The following DAB1 variants were observed in gnomAD, a reference collection of about 807,000 sequenced individuals.
The protein encoded by DAB1 is disabled homolog 1.
A neutral mutation model predicts 64.6 loss-of-function variants in DAB1; 15 were observed. That is an observed-to-expected ratio of 0.23 (90% CI 0.16 to 0.36). DAB1 has a LOEUF of 0.36. Ranked by LOEUF, DAB1 falls within the 10% of genes least tolerant of loss-of-function variation. The pLI, the probability that DAB1 is intolerant of heterozygous loss-of-function variation, is 1.00. For missense variants in DAB1, 596 were observed against 706.7 expected, an observed-to-expected ratio of 0.84 and a Z score of 1.78; for synonymous variants, 235 against 251.9, an observed-to-expected ratio of 0.93 and a Z score of 0.64.
chr1:58,303,445 G>C (rs1189958359), intron 4 of DAB1, among the ~76,000 whole-genome samples: 1 of 152,152 alleles, frequency 6.6e-6, no homozygotes, highest in Non-Finnish European at 1.5e-5. Flanking sequence ...GAGATGAACA[G>C]AACAGGTAAG....
chr1:57,007,600 T>C (rs661586), intron 14 of DAB1, among the ~76,000 whole-genome samples: 15,875 of 152,172 alleles, frequency 0.1, 1,035 homozygotes, highest in African/African-American at 0.19. Context: ...CTTCCACCTG[T>C]GGGGATTGAG....
chr1:58,066,354 G>T (rs1648853906), intron 5 of DAB1, among the ~76,000 whole-genome samples: 2 of 152,232 alleles, frequency 1.3e-5, no homozygotes, highest in African/African-American at 4.8e-5. Context: ...GTTGGGAAGA[G>T]AGATTGATTT....
rs1658342157 is a variant in DAB1, at chr1:57,138,774, T to G, written c.208-2133A>C. The stretch of plus-strand genomic sequence containing the variant: ...CCTCTTAGCCAACACAGCACACCCT[T>G]TATGCCAAATTGCATCTCCTTTGTT... On this transcript the variant is annotated intron_variant, in intron 3 of 14. Transcript: ENST00000371236. 2.6e-5 allele frequency among the ~76,000 whole-genome samples: 4 copies of G among 152,294 alleles called. No homozygotes were observed. In the South Asian group the frequency reaches 8.3e-4, roughly 32 times the overall value.
intron 5 of DAB1, among the ~76,000 whole-genome samples, chr1:57,920,118 G>C (rs1392217646): frequency 1.3e-5 from 2 of 152,194 alleles, no homozygotes; most frequent in African/African-American, 4.8e-5. Context: ...TTAAGGCAGA[G>C]AGGTGAGCTA....
At chr1:58,462,061 G>A (rs566870106) in intron 3 of DAB1, among the ~76,000 whole-genome samples, 1 of 151,784 alleles carries the variant, frequency 6.6e-6, no homozygotes, top group Non-Finnish European at 1.5e-5. Flanking sequence ...AAGGACTCAG[G>A]GGGGTAATTG....
chr1:57,359,472 C>A (rs896059934), intron 1 of DAB1, among the ~76,000 whole-genome samples: 9 of 151,876 alleles, frequency 5.9e-5, no homozygotes, highest in African/African-American at 1.9e-4. Flanking sequence ...AAATGGCAAC[C>A]CCTATACACA....
At chr1:58,183,162 T>TA (rs1656889571) in intron 4 of DAB1, among the ~76,000 whole-genome samples, 1 of 152,074 alleles carries the variant, frequency 6.6e-6, no homozygotes, top group South Asian at 2.1e-4. Context: ...AGGCAGTACT[T>TA]AAACATCTTG....
chr1:58,064,556 C>T (rs534803290), intron 5 of DAB1, among the ~76,000 whole-genome samples: 1 of 152,278 alleles, frequency 6.6e-6, no homozygotes, highest in African/African-American at 2.4e-5. Context: ...AACCCACCAG[C>T]CTTGATTTTG....
chr1:58,347,006 G>C (rs887864116), intron 3 of DAB1, among the ~76,000 whole-genome samples: 5 of 152,184 alleles, frequency 3.3e-5, no homozygotes, highest in African/African-American at 1.2e-4. Flanking sequence ...TTTATCATAT[G>C]ACTCATTGGG....
At position 57,924,508 on chromosome 1, in the gene DAB1, G is replaced by A. The variant is rs935065351; in HGVS notation, n.388-40346C>T. On this transcript the variant is annotated intron_variant and non_coding_transcript_variant, in intron 5 of 20. Transcript: ENST00000485760. Reference sequence around the variant, plus strand: ...ACAGTCTCGCTTTGTTGCCCAGGCTGGAGTGCAGTGGCACAATCTCGGCTC... The same window carrying A: ...ACAGTCTCGCTTTGTTGCCCAGGCTAGAGTGCAGTGGCACAATCTCGGCTC... Among the ~76,000 whole-genome samples the A allele has an allele frequency of 3.3e-5, 5 of 152,098 alleles. No individual in the cohort carries two copies. The South Asian group carries it at 1.0e-3, about 32-fold the overall frequency.
intron 9 of DAB1, among the ~76,000 whole-genome samples, chr1:57,051,488 C>A (rs1215626521): frequency 6.6e-6 from 1 of 152,122 alleles, no homozygotes; most frequent in African/African-American, 2.4e-5. Flanking sequence ...AGAATTCTTG[C>A]AATTCTTCAC....
chr1:57,452,831 C>T lies in DAB1; in HGVS notation n.626-161665G>A, dbSNP rs375614832. On this transcript the variant is annotated intron_variant and non_coding_transcript_variant, in intron 7 of 20. Coordinates refer to the DAB1 transcript ENST00000485760. ...TTCAGCACCTGGCCCAAAGTAGGCA[C>T]TCAGTAGATGTGGGAAGAAGGAAGA... Among the ~76,000 whole-genome samples the T allele has an allele frequency of 1.8e-4, 27 of 150,052 alleles. No homozygotes were observed. In the East Asian group the frequency reaches 3.2e-3, roughly 18 times the overall value.
intron 5 of DAB1, among the ~76,000 whole-genome samples, chr1:58,008,267 G>A (rs1281376131): frequency 2.0e-5 from 3 of 152,072 alleles, no homozygotes; most frequent in South Asian, 4.1e-4. Flanking sequence ...CCTAATTCCC[G>A]GTTTTATCCC....
chr1:57,616,063 T>C (rs556810652), intron 7 of DAB1, among the ~76,000 whole-genome samples: 1 of 152,300 alleles, frequency 6.6e-6, no homozygotes, highest in African/African-American at 2.4e-5. Context: ...GTGGCTTTTA[T>C]TTCTTTACCC....
At chr1:57,200,809 T>G (rs1665034585) in intron 2 of DAB1, among the ~76,000 whole-genome samples, 1 of 152,238 alleles carries the variant, frequency 6.6e-6, no homozygotes, top group African/African-American at 2.4e-5. Context: ...AATAAAGTAC[T>G]TTCCAATTTA....
intron 4 of DAB1, among the ~76,000 whole-genome samples, chr1:58,187,377 T>TGAAGTGGGA (rs1047123857): frequency 6.6e-6 from 1 of 151,008 alleles, no homozygotes; most frequent in Non-Finnish European, 1.5e-5. Flanking sequence ...CTCAGGAAGT[T>TGAAGTGGGA]GAAGTGGGAG....
chr1:58,207,229 A>G (rs7551611), intron 4 of DAB1, among the ~76,000 whole-genome samples: 28,991 of 152,228 alleles, frequency 0.19, 2,955 homozygotes, highest in East Asian at 0.38. Context: ...TGCTGCTATA[A>G]AACACTAAGT....
chr1:57,153,661 G>A (rs1006998577), intron 2 of DAB1, among the ~76,000 whole-genome samples: 1 of 151,420 alleles, frequency 6.6e-6, no homozygotes, highest in African/African-American at 2.4e-5. Flanking sequence ...TTTTTGAGAC[G>A]GAGTCTTGCT....
At chr1:57,635,147 T>C (rs1295255265) in intron 7 of DAB1, among the ~76,000 whole-genome samples, 1 of 152,136 alleles carries the variant, frequency 6.6e-6, no homozygotes, top group Non-Finnish European at 1.5e-5. Context: ...TGAACTGAAA[T>C]GTGTCTCCCC....
Sources: gnomAD v4.1 joint callset for allele counts (sites outside exome capture counted in the v4.1 genomes callset) on GRCh38, gnomAD v4.1.1 for gene constraint, MANE v1.5 for transcripts, NCBI Gene and HGNC (gene_info 2026-07-23, HGNC 2026-07-21) for gene names.